The following ENPP1 variants were observed in gnomAD, a reference collection of about 807,000 sequenced individuals.
ENPP1 encodes ectonucleotide pyrophosphatase/phosphodiesterase 1, also known as ectonucleotide pyrophosphatase/phosphodiesterase family member 1.
A neutral mutation model predicts 122.8 loss-of-function variants in ENPP1; 73 were observed. The ratio of observed to expected loss-of-function variants is 0.59; its 90% CI spans 0.49 to 0.72. The LOEUF (loss-of-function observed/expected upper bound fraction) is 0.72, where lower values mean the gene tolerates loss of function less well. Ranked by LOEUF, ENPP1 falls within the 30% of genes least tolerant of loss-of-function variation. ENPP1 has a pLI of 0.00. For missense variants in ENPP1, 978 were observed against 1,128.1 expected (o/e 0.87, Z 1.91); for synonymous variants, 367 against 391.6 (o/e 0.94, Z 0.74).
intron 1 of ENPP1, among the ~76,000 whole-genome samples, chr6:131,831,081 C>T (rs1224692359): frequency 7.2e-6 from 1 of 138,866 alleles, no homozygotes; most frequent in Non-Finnish European, 1.5e-5. Context: ...CCACTGCACT[C>T]CAGCCTGGGC....
intron 24 of ENPP1, among the ~76,000 whole-genome samples, chr6:131,889,968 C>T (rs531188175): frequency 3.3e-5 from 5 of 149,900 alleles, no homozygotes; most frequent in Admixed American, 1.3e-4. Flanking sequence ...TGTTTTTTGA[C>T]TTTTTAATAA....
At position 131,873,035 on chromosome 6, in the gene ENPP1, A is replaced by C; in HGVS notation, c.1550A>C (p.Gln517Pro). ...CCCTTGACATTCTATTTGGACCCTC[A>C]GTGGCAACTTGCATTGTAAGTTCTG... Reference protein sequence around the residue: ...IEPLTFYLDPQWQLALNPSER... With the variant: ...IEPLTFYLDPPWQLALNPSER... Residue 517 changes from glutamine (Q) to proline (P), a missense_variant, in exon 15 of 25, where the codon CAG (glutamine) becomes CCG (proline). Gln to Pro is a moderately conservative substitution (Grantham distance 76, BLOSUM62 -1). Coordinates refer to ENST00000647893, the MANE Select transcript of ENPP1 (RefSeq NM_006208.3). 1 of 1,613,828 alleles carries C rather than the reference A, an allele frequency of 6.2e-7. No homozygotes were observed. Among genetic ancestry groups the C allele is most frequent in the Non-Finnish European group, 8.5e-7 (1 of 1,179,738 alleles).
intron 20 of ENPP1, among the ~76,000 whole-genome samples, chr6:131,881,001 G>A (rs1782298047): frequency 6.6e-6 from 1 of 152,084 alleles, no homozygotes; most frequent in South Asian, 2.1e-4. Flanking sequence ...GAGAGAAGGG[G>A]GAAGATGAGA....
chr6:131,883,937 T>C (rs1437127525), intron 22 of ENPP1, among the ~76,000 whole-genome samples, 163 bp downstream of exon 22: 1 of 152,202 alleles, frequency 6.6e-6, no homozygotes, highest in African/African-American at 2.4e-5. Context: ...ATTCTACAAA[T>C]TATTAGAATT....
rs147742873 is a variant in ENPP1, at chr6:131,815,527, T to G, written c.240+7252T>G. On this transcript the variant is annotated intron_variant, in intron 1 of 24. Coordinates refer to ENST00000647893, the MANE Select transcript of ENPP1 (RefSeq NM_006208.3). ...AGCACTTTGCTAATTTCTATTTCAC[T>G]TGTTTAGTTAACTTTGGACACTCAG... 2.7e-3 allele frequency among the ~76,000 whole-genome samples: 412 copies of G among 152,332 alleles called. 2 individuals are homozygous for G. Among genetic ancestry groups the G allele is most frequent in the Admixed American group, 7.1e-3 (108 of 15,294 alleles).
chr6:131,864,827 T>C (rs367739614), intron 10 of ENPP1, 39 bp from the exon 11 acceptor site: 3 of 1,298,934 alleles, frequency 2.3e-6, no homozygotes, highest in Admixed American at 1.7e-5. Context: ...TTTTTCAATG[T>C]GTTCGTAAAA....
intron 1 of ENPP1, among the ~76,000 whole-genome samples, chr6:131,820,873 CA>C (rs1781477272): frequency 6.6e-6 from 1 of 152,204 alleles, no homozygotes; most frequent in South Asian, 2.1e-4. Context: ...TGAATACAGA[CA>C]AAAAAGTTTC....
At chr6:131,868,835 C>T (rs1052779588) in intron 12 of ENPP1, among the ~76,000 whole-genome samples, 2 of 152,292 alleles carry the variant, frequency 1.3e-5, no homozygotes, top group South Asian at 2.1e-4. Flanking sequence ...CTTTGTAACA[C>T]GCTTGTGTAC....
At chr6:131,838,941 C>T (rs1204268479) in intron 1 of ENPP1, among the ~76,000 whole-genome samples, 3 of 152,228 alleles carry the variant, frequency 2.0e-5, no homozygotes, top group South Asian at 2.1e-4. Context: ...CTAAGTAATT[C>T]TCTAGCCCAT....
intron 1 of ENPP1, among the ~76,000 whole-genome samples, chr6:131,818,998 A>T (rs1415920807): frequency 1.3e-5 from 2 of 152,246 alleles, no homozygotes; most frequent in Non-Finnish European, 2.9e-5. Flanking sequence ...CCAAGCAAAA[A>T]TTAGAATTTT....
intron 1 of ENPP1, among the ~76,000 whole-genome samples, chr6:131,843,089 T>G (rs1042948421): frequency 6.6e-6 from 1 of 152,170 alleles, no homozygotes; most frequent in Non-Finnish European, 1.5e-5. Context: ...TAAATTGTTA[T>G]GGAGATTAAA....
chr6:131,825,401 T>C (rs1376826961), intron 1 of ENPP1, among the ~76,000 whole-genome samples: 3 of 152,206 alleles, frequency 2.0e-5, no homozygotes, highest in Non-Finnish European at 4.4e-5. Context: ...ACTAGCTACA[T>C]GTGGCTATTT....
chr6:131,810,522 C>T (rs876507), intron 1 of ENPP1, among the ~76,000 whole-genome samples: 2 of 131,274 alleles, frequency 1.5e-5, no homozygotes, highest in East Asian at 5.0e-4. Context: ...TGACAATTGT[C>T]GTCAAAGAGC....
At chr6:131,852,864 A>AT (rs996747587) in intron 5 of ENPP1, among the ~76,000 whole-genome samples, 41 of 151,866 alleles carry the variant, frequency 2.7e-4, no homozygotes, top group Non-Finnish European at 3.8e-4. Flanking sequence ...GAGATGATAC[A>AT]TTTTTTTAAA....
intron 6 of ENPP1, among the ~76,000 whole-genome samples, chr6:131,855,963 A>C (rs1289721492): frequency 6.6e-6 from 1 of 152,070 alleles, no homozygotes. Context: ...GAATTCTAAA[A>C]TATTGCTTAC....
At chr6:131,869,215 T>A in intron 12 of ENPP1, 143 bp from the exon 13 acceptor site, 1 of 771,716 alleles carries the variant, frequency 1.3e-6, no homozygotes, top group Non-Finnish European at 2.2e-6. Context: ...TGAAATTCTG[T>A]CTTACCTATC....
intron 22 of ENPP1, among the ~76,000 whole-genome samples, chr6:131,884,254 T>C (rs1782349215): frequency 6.6e-6 from 1 of 152,236 alleles, no homozygotes; most frequent in Non-Finnish European, 1.5e-5. Flanking sequence ...ATATCTAGAA[T>C]ACTTGTGAAT....
In ENPP1 at chr6:131,850,000, C is replaced by T. The variant is rs757208877; in HGVS notation, c.324C>T (p.Cys108=). The T allele has an allele frequency of 1.2e-5, 19 of 1,613,078 alleles. 1 individual carries two copies. In the South Asian group the frequency reaches 2.0e-4, roughly 17 times the overall value. The change falls in exon 3 of 25, where the codon TGC becomes TGT. Residue 108 remains cysteine (C), a synonymous_variant. Transcript: ENST00000647893. ...GTTCAATTTTTTCAGTTAAAAGTTGCAAAGGTCGCTGTTTCGAGAGAACAT... is the reference window on the plus strand; with the variant it reads ...GTTCAATTTTTTCAGTTAAAAGTTGTAAAGGTCGCTGTTTCGAGAGAACAT... ...KPSCAKEVKS[C]KGRCFERTFG...
At chr6:131,826,788 T>C in intron 1 of ENPP1, 1 of 436,344 alleles carries the variant, frequency 2.3e-6, no homozygotes, top group Non-Finnish European at 4.3e-6. Flanking sequence ...TTTTAAGTCC[T>C]GAAAGCCGTC....
Sources: allele counts gnomAD v4.1 joint callset (sites outside exome capture counted in the v4.1 genomes callset), GRCh38; gene constraint gnomAD v4.1.1; transcripts MANE v1.5; gene names NCBI Gene and HGNC (gene_info 2026-07-23, HGNC 2026-07-21).